Variants in NCOA2 observed in about 807,000 individuals in gnomAD.
NCOA2 encodes class E basic helix-loop-helix protein 75.
Under a neutral mutation model 145.1 loss-of-function variants are expected in NCOA2, and 21 were observed. The observed-to-expected ratio is 0.14, with a 90% CI of 0.10 to 0.21. The LOEUF is 0.21. Ranked by LOEUF, NCOA2 falls within the 10% of genes least tolerant of loss-of-function variation. The pLI, the probability that NCOA2 is intolerant of heterozygous loss-of-function variation, is 1.00. For synonymous variants in NCOA2, 619 were observed against 637.5 expected, an observed-to-expected ratio of 0.97 and a Z score of 0.44; for missense variants, 1,472 against 1,837.6, an observed-to-expected ratio of 0.80 and a Z score of 3.64.
At chr8:70,255,692 A>C (rs1427393544) in intron 2 of NCOA2, among the ~76,000 whole-genome samples, 3 of 152,182 alleles carry the variant, frequency 2.0e-5, no homozygotes, top group African/African-American at 7.2e-5. Context: ...ATCACTTTTA[A>C]GCCTGTATGT....
chr8:70,131,302 T>C (rs2131574988), intron 16 of NCOA2, among the ~76,000 whole-genome samples: 1 of 152,212 alleles, frequency 6.6e-6, no homozygotes, highest in South Asian at 2.1e-4. Context: ...AAACCATAAG[T>C]GAAAGGTTTA....
At position 70,277,092 on chromosome 8, in the gene NCOA2, G is replaced by T. The variant is rs138486931; in HGVS notation, c.-20+19652C>A. 6.5e-3 allele frequency among the ~76,000 whole-genome samples: 990 copies of T among 152,186 alleles called. 11 individuals are homozygous for T. Among genetic ancestry groups the T allele is most frequent in the African/African-American group, 0.023 (940 of 41,510 alleles). ...TCCTTCATTCCCCAGTCCCAACCAT[G>T]GGCAAGCTCTTTAATTTTTTTTCCC... On this transcript the variant is annotated intron_variant, in intron 2 of 22. Coordinates refer to ENST00000452400, the MANE Select transcript of NCOA2 (RefSeq NM_006540.4).
At chr8:70,137,806 C>G (rs1201066655) in intron 15 of NCOA2, among the ~76,000 whole-genome samples, 1 of 152,236 alleles carries the variant, frequency 6.6e-6, no homozygotes, top group African/African-American at 2.4e-5. Context: ...GCAATCCTTA[C>G]TCTGGCCCTG....
chr8:70,135,485 C>T (rs1017803458), intron 15 of NCOA2, among the ~76,000 whole-genome samples: 2 of 152,084 alleles, frequency 1.3e-5, no homozygotes, highest in Admixed American at 1.3e-4. Flanking sequence ...ACATTAAAAA[C>T]CACTTTTATA....
chr8:70,216,410 TTAAA>T (rs997208493), intron 3 of NCOA2, among the ~76,000 whole-genome samples: 2 of 151,830 alleles, frequency 1.3e-5, no homozygotes, highest in African/African-American at 4.9e-5. Context: ...CTCAATATTA[TTAAA>T]TAAATTGATT....
chr8:70,406,208 G>T (rs1020736552), upstream of NCOA2, among the ~76,000 whole-genome samples: 1 of 152,180 alleles, frequency 6.6e-6, no homozygotes, highest in African/African-American at 2.4e-5. Flanking sequence ...ATAAATAATA[G>T]TATCTATTCC....
the NCOA2 span, among the ~76,000 whole-genome samples, chr8:70,427,681 C>T: frequency 1.6e-4 from 25 of 152,300 alleles, no homozygotes; most frequent in Non-Finnish European, 2.8e-4. Flanking sequence ...CCAGCCTCTG[C>T]CCCTGTTCAA....
chr8:70,402,767 T>TCCGCCTC (rs1439632390), intron 1 of NCOA2, among the ~76,000 whole-genome samples: 1 of 151,178 alleles, frequency 6.6e-6, no homozygotes, highest in African/African-American at 2.4e-5. Flanking sequence ...AACCTCCCGG[T>TCCGCCTC]CCGCCTCCCG....
intron 2 of NCOA2, among the ~76,000 whole-genome samples, chr8:70,250,399 A>C (rs1823057127): frequency 1.6e-5 from 2 of 125,606 alleles, no homozygotes; most frequent in Non-Finnish European, 3.0e-5. Flanking sequence ...TCTCAAAAAA[A>C]AAAAAAAAAA....
At chr8:70,217,997 A>G (rs1819790425) in intron 2 of NCOA2, among the ~76,000 whole-genome samples, 1 of 152,028 alleles carries the variant, frequency 6.6e-6, no homozygotes, top group African/African-American at 2.4e-5. Flanking sequence ...GGGAAGGTAA[A>G]GTGCATTAGA....
At chr8:70,376,795 T>C (rs1811703896) in intron 1 of NCOA2, among the ~76,000 whole-genome samples, 1 of 152,186 alleles carries the variant, frequency 6.6e-6, no homozygotes, top group South Asian at 2.1e-4. Flanking sequence ...TTTATTACTA[T>C]TTCCTGTCAA....
rs182091999 is a variant in NCOA2 at position 70,203,831 on chromosome 8, T to G, written c.259+10072A>C. Among the ~76,000 whole-genome samples, 308 of 152,342 alleles carry G rather than the reference T, an allele frequency of 2.0e-3. 6 individuals carry two copies. Among genetic ancestry groups the G allele is most frequent in the Admixed American group, 0.018 (273 of 15,304 alleles). On this transcript the variant is annotated intron_variant, in intron 4 of 22. Coordinates refer to ENST00000452400, the MANE Select transcript of NCOA2 (RefSeq NM_006540.4). ...AAATTTAAATGTACTCGGCAAATTC[T>G]TACATGAGTTATTTCAAAACCAATA...
At chr8:70,390,402 T>C (rs1813081956) in intron 1 of NCOA2, among the ~76,000 whole-genome samples, 1 of 152,200 alleles carries the variant, frequency 6.6e-6, no homozygotes. Flanking sequence ...TAATTCTTAT[T>C]GTTTTCTTGG....
intron 1 of NCOA2, among the ~76,000 whole-genome samples, chr8:70,374,606 C>T (rs1024998352): frequency 6.6e-5 from 10 of 151,806 alleles, no homozygotes; most frequent in African/African-American, 2.4e-4. Context: ...AGTTCAAGAG[C>T]AGCCTGGGAA....
intron 1 of NCOA2, among the ~76,000 whole-genome samples, chr8:70,335,317 CA>C (rs1343500687): frequency 6.6e-6 from 1 of 152,006 alleles, no homozygotes; most frequent in Non-Finnish European, 1.5e-5. Flanking sequence ...ACAGGTACCA[CA>C]ATGTGTGTCA....
intron 1 of NCOA2, among the ~76,000 whole-genome samples, chr8:70,386,337 CAT>C (rs1172123622): frequency 2.0e-5 from 3 of 152,170 alleles, no homozygotes; most frequent in African/African-American, 7.2e-5. Context: ...CTTGTTCTAT[CAT>C]CCATGCTCTC....
At chr8:70,391,441 G>A (rs142079679) in intron 1 of NCOA2, among the ~76,000 whole-genome samples, 4 of 152,136 alleles carry the variant, frequency 2.6e-5, no homozygotes, top group Non-Finnish European at 4.4e-5. Flanking sequence ...ATCTCCTTAT[G>A]ATCTGCCAGT....
chr8:70,126,517 G>A (rs372073387), intron 19 of NCOA2: 3 of 404,432 alleles, frequency 7.4e-6, no homozygotes, highest in East Asian at 7.4e-5. Context: ...ATCCATACAC[G>A]CTCGCACACA....
chr8:70,217,566 C>T (rs1160030878), intron 2 of NCOA2, among the ~76,000 whole-genome samples: 7 of 152,088 alleles, frequency 4.6e-5, no homozygotes, highest in Admixed American at 4.6e-4. Flanking sequence ...TTACTGACCC[C>T]CAAGTGGGAA....
Sources: gnomAD v4.1 joint callset for allele counts (sites outside exome capture counted in the v4.1 genomes callset) on GRCh38, gnomAD v4.1.1 for gene constraint, MANE v1.5 for transcripts, NCBI Gene and HGNC (gene_info 2026-07-23, HGNC 2026-07-21) for gene names.